Variants in NYAP2 observed in about 807,000 individuals in gnomAD.
NYAP2 encodes the protein neuronal tyrosine-phosphorylated phosphoinositide-3-kinase adaptor 2.
In NYAP2, 23 loss-of-function variants were observed where a neutral mutation model predicts 50.4. The observed-to-expected ratio is 0.46, with a 90% CI of 0.33 to 0.65. The LOEUF (loss-of-function observed/expected upper bound fraction) is 0.65, where lower values mean the gene tolerates loss of function less well. Among genes scored for constraint, NYAP2 ranks in the 30% least tolerant of loss-of-function variants. The pLI, the probability that NYAP2 is intolerant of heterozygous loss-of-function variation, is 0.02. For synonymous variants in NYAP2, 394 were observed against 365.2 expected (o/e 1.08, Z -0.90); for missense variants, 885 against 861.0 (o/e 1.03, Z -0.35).
intron 5 of NYAP2, among the ~76,000 whole-genome samples, chr2:225,624,649 C>G (rs1168601861): frequency 6.6e-6 from 1 of 152,116 alleles, no homozygotes; most frequent in Non-Finnish European, 1.5e-5. Flanking sequence ...GTATAAGACT[C>G]TTAGTAATTA....
intron 6 of NYAP2, among the ~76,000 whole-genome samples, chr2:225,635,919 G>T (rs950944527): frequency 6.6e-6 from 1 of 152,192 alleles, no homozygotes; most frequent in African/African-American, 2.4e-5. Flanking sequence ...ATTGATGTCT[G>T]CAAATGTGTA....
intron 3 of NYAP2, among the ~76,000 whole-genome samples, chr2:225,445,550 A>G (rs1689539096): frequency 6.6e-6 from 1 of 152,118 alleles, no homozygotes; most frequent in South Asian, 2.1e-4. Context: ...TACTAGATAT[A>G]CTGAATTTTA....
At chr2:225,651,503 C>T (rs1183587330) in exon 7 of NYAP2, 1 of 1,613,976 alleles carries the variant, frequency 6.2e-7, no homozygotes, top group Admixed American at 1.7e-5. Flanking sequence ...AGTCACTCCC[C>T]TCAGGCAAAG....
rs150338672 is a variant in NYAP2 at position 225,544,355 on chromosome 2, C to T, written c.523+30683C>T. On this transcript the variant is annotated intron_variant, in intron 4 of 6. Coordinates refer to ENST00000636099, the Ensembl canonical transcript of NYAP2. ...ATTCATTTTCTGGTCTTCTTTCTTCCTGTCTTCCTTTTAGTAAAGGTAATT... is the reference window on the plus strand; with the variant it reads ...ATTCATTTTCTGGTCTTCTTTCTTCTTGTCTTCCTTTTAGTAAAGGTAATT... Among the ~76,000 whole-genome samples the T allele has an allele frequency of 4.6e-5, 7 of 151,730 alleles. No individual in the cohort carries two copies. The East Asian group carries it at 1.4e-3, about 29-fold the overall frequency.
At chr2:225,528,550 C>T (rs750098518) in intron 4 of NYAP2, among the ~76,000 whole-genome samples, 3 of 152,202 alleles carry the variant, frequency 2.0e-5, no homozygotes, top group Admixed American at 1.3e-4. Context: ...AATACTGACA[C>T]TAAAATGATA....
At chr2:225,553,598 G>A (rs569460195) in intron 4 of NYAP2, among the ~76,000 whole-genome samples, 1 of 152,326 alleles carries the variant, frequency 6.6e-6, no homozygotes, top group Non-Finnish European at 1.5e-5. Flanking sequence ...GATTACAATA[G>A]CTTCAGAGAA....
At chr2:225,596,064 A>G (rs1692591715) in intron 5 of NYAP2, among the ~76,000 whole-genome samples, 1 of 152,134 alleles carries the variant, frequency 6.6e-6, no homozygotes, top group Non-Finnish European at 1.5e-5. Flanking sequence ...TATGTTGCCC[A>G]GGCTAGAGTG....
intron 3 of NYAP2, among the ~76,000 whole-genome samples, chr2:225,499,480 T>C (rs1413759460): frequency 1.4e-5 from 1 of 71,488 alleles, no homozygotes; most frequent in Non-Finnish European, 3.1e-5. Flanking sequence ...TCCCGGCTAA[T>C]TTTTTTTTTG....
chr2:225,674,644 CTGT>C, the NYAP2 span, among the ~76,000 whole-genome samples: 4 of 152,080 alleles, frequency 2.6e-5, no homozygotes, highest in African/African-American at 9.7e-5. Flanking sequence ...TGTCATTAGT[CTGT>C]TGATTTTTCT....
intron 6 of NYAP2, among the ~76,000 whole-genome samples, chr2:225,627,824 G>T (rs1256426805): frequency 1.3e-5 from 2 of 152,098 alleles, no homozygotes; most frequent in East Asian, 3.8e-4. Flanking sequence ...TTTATGTGTT[G>T]GACTCACAGA....
intron 3 of NYAP2, among the ~76,000 whole-genome samples, chr2:225,447,905 T>A (rs970530621): frequency 6.6e-6 from 1 of 152,224 alleles, no homozygotes; most frequent in Non-Finnish European, 1.5e-5. Flanking sequence ...CAAACAAATA[T>A]AATTTCTGTG....
chr2:225,481,311 T>G (rs567572486), intron 3 of NYAP2, among the ~76,000 whole-genome samples: 34 of 152,240 alleles, frequency 2.2e-4, no homozygotes, highest in Middle Eastern at 3.4e-3. Flanking sequence ...ATTATAATAA[T>G]AATTATTTAT....
At chr2:225,492,114 C>A (rs537621155) in intron 3 of NYAP2, among the ~76,000 whole-genome samples, 32 of 152,284 alleles carry the variant, frequency 2.1e-4, no homozygotes, top group Middle Eastern at 3.4e-3. Context: ...ATGTTGGCTG[C>A]TCCATAGCCC....
At chr2:225,470,357 A>G (rs1414505722) in intron 3 of NYAP2, among the ~76,000 whole-genome samples, 1 of 152,172 alleles carries the variant, frequency 6.6e-6, no homozygotes, top group African/African-American at 2.4e-5. Flanking sequence ...GTTAGTAGAA[A>G]TAAAAGTAAA....
intron 3 of NYAP2, among the ~76,000 whole-genome samples, chr2:225,442,889 T>C (rs6722318): frequency 0.048 from 7,279 of 152,220 alleles, 307 homozygotes; most frequent in African/African-American, 0.11. Context: ...AAAAAGAGGT[T>C]TAATGGACTC....
At chr2:225,466,520 A>C (rs1424535241) in intron 3 of NYAP2, among the ~76,000 whole-genome samples, 1 of 152,202 alleles carries the variant, frequency 6.6e-6, no homozygotes, top group East Asian at 1.9e-4. Context: ...CCCATTGTGC[A>C]ACTGATTAGG....
At chr2:225,563,791 G>A (rs1462492898) in intron 4 of NYAP2, among the ~76,000 whole-genome samples, 1 of 152,092 alleles carries the variant, frequency 6.6e-6, no homozygotes, top group East Asian at 1.9e-4. Flanking sequence ...TAGTTTTAGA[G>A]TGATTTCTTT....
At chr2:225,496,942 G>A (rs1190324049) in intron 3 of NYAP2, among the ~76,000 whole-genome samples, 1 of 151,796 alleles carries the variant, frequency 6.6e-6, no homozygotes, top group Non-Finnish European at 1.5e-5. Flanking sequence ...TAGATGCATT[G>A]TGAGCATTAA....
intron 3 of NYAP2, among the ~76,000 whole-genome samples, chr2:225,420,695 C>G (rs573088888): frequency 1.3e-5 from 2 of 151,758 alleles, no homozygotes; most frequent in African/African-American, 4.8e-5. Flanking sequence ...ACTGCAACCT[C>G]TACCTCCCAA....
Sources: gnomAD v4.1 joint callset for allele counts (sites outside exome capture counted in the v4.1 genomes callset) on GRCh38, gnomAD v4.1.1 for gene constraint, MANE v1.5 for transcripts, NCBI Gene and HGNC (gene_info 2026-07-23, HGNC 2026-07-21) for gene names.